The following PDS5A variants were observed in gnomAD, a reference collection of about 807,000 sequenced individuals.
The protein encoded by PDS5A is sister chromatid cohesion protein PDS5 homolog A.
Under a neutral mutation model 167.1 loss-of-function variants are expected in PDS5A, and 42 were observed. The observed-to-expected ratio is 0.25, with a 90% CI of 0.20 to 0.33. The LOEUF (loss-of-function observed/expected upper bound fraction) is 0.33, where lower values mean the gene tolerates loss of function less well. Among genes scored for constraint, PDS5A ranks in the 10% least tolerant of loss-of-function variants. The pLI is 1.00. For synonymous variants in PDS5A, 553 were observed against 554.6 expected (o/e 1.00, Z 0.04); for missense variants, 1,033 against 1,605.9 (o/e 0.64, Z 6.10).
intron 11 of PDS5A, among the ~76,000 whole-genome samples, chr4:39,905,455 G>A (rs994797986): frequency 7.2e-5 from 11 of 152,342 alleles, no homozygotes; most frequent in African/African-American, 2.4e-4. Context: ...CTACTTGGGA[G>A]GCTGAGGCAG....
At chr4:39,928,770 C>T (rs945918032) in intron 2 of PDS5A, among the ~76,000 whole-genome samples, 3 of 150,036 alleles carry the variant, frequency 2.0e-5, no homozygotes, top group African/African-American at 7.4e-5. Flanking sequence ...GGCTGCAGTG[C>T]GCCAAGATCA....
At chr4:39,976,238 T>C (rs1731068710) in intron 2 of PDS5A, 3 of 390,266 alleles carry the variant, frequency 7.7e-6, no homozygotes, top group Admixed American at 8.3e-5. Context: ...TTTTGAAAAA[T>C]CACACTCCTT....
At chr4:39,911,040 G>A (rs1482849283) in intron 9 of PDS5A, among the ~76,000 whole-genome samples, 3 of 151,986 alleles carry the variant, frequency 2.0e-5, no homozygotes, top group Admixed American at 2.0e-4. Context: ...AGGGTGAGGT[G>A]GAAGGACTGC....
rs747031044 is a variant in PDS5A, at chr4:39,920,412, A to T, written c.655-13T>A. 1.7e-6 allele frequency: 2 copies of T among 1,207,812 alleles called. No individual in the cohort carries two copies. Among genetic ancestry groups the T allele is most frequent in the East Asian group, 4.7e-5 (2 of 42,574 alleles). The allele number at this position is 1,207,812 out of a possible 1,614,324, so 74.8% of individuals were successfully genotyped here. On this transcript the variant is annotated splice_polypyrimidine_tract_variant and intron_variant, in intron 6 of 32. Coordinates refer to ENST00000303538, the MANE Select transcript of PDS5A (RefSeq NM_001100399.2). ...GTTTATTTAAGTTCTGAAAAATAATAAAAACATGGAAAGTTACAAATAAAT... is the reference window on the plus strand; with the variant it reads ...GTTTATTTAAGTTCTGAAAAATAATTAAAACATGGAAAGTTACAAATAAAT...
In PDS5A at chr4:39,842,018, T is replaced by G; in HGVS notation, c.3587A>C (p.Glu1196Ala). 1 of 1,609,860 alleles carries G rather than the reference T, an allele frequency of 6.2e-7. No individual in the cohort carries two copies. Among genetic ancestry groups the G allele is most frequent in the Non-Finnish European group, 8.5e-7 (1 of 1,176,144 alleles). Residue 1196 changes from glutamate to alanine, a missense_variant, in exon 31 of 33, where the codon GAA (glutamate) becomes GCA (alanine). By Grantham distance (107) the Glu-to-Ala change is moderately radical. Coordinates refer to ENST00000303538, the MANE Select transcript of PDS5A (RefSeq NM_001100399.2). The stretch of plus-strand genomic sequence containing the variant: ...AATCCTCACAGGGTTCTCTTCATTT[T>G]CACTAACTCCAGTTTCTGCTGCCTC... ...SSEAAETGVSENEENPVRIIS... is the reference protein window; with the variant it reads ...SSEAAETGVSANEENPVRIIS...
intron 26 of PDS5A, among the ~76,000 whole-genome samples, chr4:39,856,678 T>C (rs1718549007): frequency 6.6e-6 from 1 of 152,046 alleles, no homozygotes; most frequent in African/African-American, 2.4e-5. Flanking sequence ...TAGCCAGGCG[T>C]GGTGGCGGGC....
intron 32 of PDS5A, chr4:39,837,273 G>A (rs1270317006): frequency 6.6e-6 from 1 of 152,666 alleles, no homozygotes; most frequent in Non-Finnish European, 1.5e-5. Context: ...AAGGAAAAAA[G>A]GAGGATGAGT....
At chr4:39,884,481 G>A (rs1480959387) in intron 17 of PDS5A, among the ~76,000 whole-genome samples, 2 of 152,174 alleles carry the variant, frequency 1.3e-5, no homozygotes, top group Non-Finnish European at 2.9e-5. Flanking sequence ...ATGTTGGAAA[G>A]GACTGTCCTA....
intron 2 of PDS5A, among the ~76,000 whole-genome samples, chr4:39,967,507 C>G (rs896814679): frequency 2.0e-5 from 3 of 148,472 alleles, no homozygotes; most frequent in African/African-American, 7.5e-5. Flanking sequence ...ATTAGCCAAG[C>G]CTGGTGGTGC....
chr4:39,906,903 T>C (rs1489844679), intron 11 of PDS5A, among the ~76,000 whole-genome samples: 1 of 137,130 alleles, frequency 7.3e-6, no homozygotes, highest in African/African-American at 2.8e-5. Context: ...AAAAGCCTTT[T>C]GAGATTTCTT....
chr4:39,956,061 T>G (rs1408092402), intron 2 of PDS5A, among the ~76,000 whole-genome samples: 1 of 151,202 alleles, frequency 6.6e-6, no homozygotes, highest in Non-Finnish European at 1.5e-5. Context: ...GAGGTTGCAG[T>G]GAGCTGCGAT....
At position 39,928,011 on chromosome 4, in the gene PDS5A, A is replaced by G. The variant is rs751426662; in HGVS notation, c.292T>C (p.Phe98Leu). 2 of 1,613,910 alleles carry G rather than the reference A, an allele frequency of 1.2e-6. No individual in the cohort carries two copies. The highest frequency in any genetic ancestry group is 2.2e-5 in the South Asian group (2 of 91,088). Residue 98 changes from phenylalanine to leucine, a missense_variant, in exon 3 of 33, where the codon TTT becomes CTT. Transcript: ENST00000303538. ...GGAGCTTCTGGGGCATAGATACGAA[A>G]GATATCAGCCAAACAACATGCTACA... ...LLVACCLADI[F>L]RIYAPEAPYT...
At chr4:39,877,779 G>GT (rs922966624) in intron 18 of PDS5A, among the ~76,000 whole-genome samples, 236 of 151,544 alleles carry the variant, frequency 1.6e-3, no homozygotes, top group African/African-American at 5.5e-3. Context: ...TAAATTTTTT[G>GT]TTTTTTTTGT....
rs1553912186 is a variant in PDS5A at position 39,977,577 on chromosome 4, G to GC, written c.-162dup. 9 of 161,898 alleles carry GC rather than the reference G, an allele frequency of 5.6e-5. No individual in the cohort carries two copies. Among genetic ancestry groups the GC allele is most frequent in the East Asian group, 1.8e-4 (1 of 5,506 alleles). The allele number at this position is 161,898 out of a possible 1,614,324, so 10.0% of individuals were successfully genotyped here. ...CGCGGGTCCCGCCGCCGCCGCCGCC[G>GC]CCGCCCGCCCGCCCGGGAGCGGCGC... On this transcript the variant is annotated 5_prime_UTR_variant, in exon 1 of 33. Transcript: ENST00000303538. This position sits in a 1 kb window ranked among gnomAD's most constrained non-coding sequence, Gnocchi z 4.2.
chr4:39,927,651 T>C (rs546206573), intron 3 of PDS5A, among the ~76,000 whole-genome samples: 1 of 152,320 alleles, frequency 6.6e-6, no homozygotes, highest in African/African-American at 2.4e-5. Flanking sequence ...AAAAGTATCA[T>C]TAATCTGCTA....
chr4:39,852,617 C>T (rs185406521), intron 26 of PDS5A, among the ~76,000 whole-genome samples: 86 of 152,276 alleles, frequency 5.6e-4, no homozygotes, highest in African/African-American at 2.0e-3. Context: ...TTAGATGATG[C>T]ATACTTAGGG....
chr4:39,939,035 T>C (rs1244977720), intron 2 of PDS5A, among the ~76,000 whole-genome samples: 6 of 151,174 alleles, frequency 4.0e-5, no homozygotes, highest in African/African-American at 1.5e-4. Flanking sequence ...AGGAACCATA[T>C]AGTATGATTC....
chr4:39,880,704 G>C (rs1720856770), intron 17 of PDS5A, among the ~76,000 whole-genome samples: 1 of 151,870 alleles, frequency 6.6e-6, no homozygotes, highest in Non-Finnish European at 1.5e-5. Context: ...ATATTCATGG[G>C]GTACACAGTG....
At position 39,898,430 on chromosome 4, in the gene PDS5A, T is replaced by C; in HGVS notation, c.1729A>G (p.Ile577Val). The C allele has an allele frequency of 6.3e-7, 1 of 1,592,794 alleles. No homozygotes were observed. ...EKLRSQLELL[I>V]SPTCSCKQAD... Reference sequence around the variant, plus strand: ...TGTTTGCAAGAACAGGTTGGGCTAATTAATAACTCCAACTGAGACCGAAGT... The same window carrying C: ...TGTTTGCAAGAACAGGTTGGGCTAACTAATAACTCCAACTGAGACCGAAGT... The change falls in exon 16 of 33, where the codon ATT (isoleucine) becomes GTT (valine). Residue 577 changes from isoleucine to valine, a missense_variant. Transcript: ENST00000303538.
Sources: gnomAD v4.1 joint callset for allele counts (sites outside exome capture counted in the v4.1 genomes callset) on GRCh38, gnomAD v4.1.1 for gene constraint, Gnocchi (gnomAD v3.1) non-coding constraint, MANE v1.5 for transcripts, NCBI Gene and HGNC (gene_info 2026-07-23, HGNC 2026-07-21) for gene names.